Variants in WRN observed in about 807,000 individuals in gnomAD.
WRN encodes bifunctional 3'-5' exonuclease/ATP-dependent helicase WRN.
WRN carries 149 observed loss-of-function variants against 180.7 expected under a neutral mutation model. The ratio of observed to expected loss-of-function variants is 0.82; its 90% confidence interval spans 0.72 to 0.94. The LOEUF (loss-of-function observed/expected upper bound fraction) is 0.94. Among genes scored for constraint, WRN ranks in the 40% least tolerant of loss-of-function variants. The pLI is 0.00. For missense variants in WRN, 1,661 were observed against 1,700.1 expected, an observed-to-expected ratio of 0.98 and a Z score of 0.40; for synonymous variants, 548 against 568.9, an observed-to-expected ratio of 0.96 and a Z score of 0.52.
chr8:31,062,224 G>T (rs1812513930), intron 3 of WRN, among the ~76,000 whole-genome samples: 1 of 152,090 alleles, frequency 6.6e-6, no homozygotes, highest in Admixed American at 6.5e-5. Context: ...TGTTTGTGGT[G>T]GGAGGGTGAG....
At chr8:31,147,985 T>C (rs547607296) in intron 30 of WRN, among the ~76,000 whole-genome samples, 1 of 150,334 alleles carries the variant, frequency 6.7e-6, no homozygotes, top group South Asian at 2.2e-4. Flanking sequence ...CCCCCTGGAC[T>C]CAAGCTATCC....
chr8:31,043,385 A>G (rs1811728872), intron 1 of WRN, among the ~76,000 whole-genome samples: 1 of 152,062 alleles, frequency 6.6e-6, no homozygotes, highest in East Asian at 1.9e-4. Flanking sequence ...GGGGAATTGG[A>G]TTTTCCTTAA....
chr8:31,111,848 T>A (rs563552483), intron 19 of WRN, 49 bp downstream of exon 19: 1 of 1,599,280 alleles, frequency 6.3e-7, no homozygotes, highest in South Asian at 1.1e-5. Context: ...CCTTTTTTTT[T>A]TTTTAACAAC....
At chr8:31,060,033 G>A (rs961997441) in intron 3 of WRN, among the ~76,000 whole-genome samples, 7 of 151,874 alleles carry the variant, frequency 4.6e-5, no homozygotes, top group African/African-American at 1.7e-4. Context: ...TCCAGCCTGG[G>A]CGACAGAGTG....
intron 23 of WRN, among the ~76,000 whole-genome samples, chr8:31,129,059 C>G (rs1417150336): frequency 1.3e-5 from 2 of 152,130 alleles, no homozygotes; most frequent in Non-Finnish European, 2.9e-5. Context: ...CTCACTGTAA[C>G]CTCAAATTCC....
intron 10 of WRN, among the ~76,000 whole-genome samples, chr8:31,084,423 AAG>A (rs1447453618): frequency 1.3e-5 from 2 of 152,174 alleles, no homozygotes; most frequent in Non-Finnish European, 2.9e-5. Flanking sequence ...TTTTTAAAAA[AAG>A]AACTTTTTTC....
rs370071444 is a variant in WRN, at chr8:31,076,192, C to T, written c.744C>T (p.Ser248=). The T allele has an allele frequency of 2.8e-5, 45 of 1,613,448 alleles. No individual in the cohort carries two copies. Among genetic ancestry groups the T allele is most frequent in the Admixed American group, 1.2e-4 (7 of 59,984 alleles). Residue 248 remains serine, a synonymous_variant, in exon 8 of 35, where the codon AGC becomes AGT. Coordinates refer to ENST00000298139, the MANE Select transcript of WRN (RefSeq NM_000553.6). Reference sequence around the variant, plus strand: ...CCCTAGAGGAAGAAATCCTACTTAGCGACATGAACAAACAGTTGACTTCAA... The same window carrying T: ...CCCTAGAGGAAGAAATCCTACTTAGTGACATGAACAAACAGTTGACTTCAA... ...AINKEEEILL[S]DMNKQLTSIS...
chr8:31,056,223 G>T (rs888632124), intron 1 of WRN, among the ~76,000 whole-genome samples: 14 of 152,086 alleles, frequency 9.2e-5, no homozygotes, highest in African/African-American at 3.4e-4. Context: ...GTTATTTGTG[G>T]AAACCTCAGT....
intron 3 of WRN, among the ~76,000 whole-genome samples, chr8:31,060,675 T>G (rs1459238658): frequency 6.6e-6 from 1 of 152,224 alleles, no homozygotes. Flanking sequence ...ACTTTGGGAC[T>G]CATTATACTG....
rs13438803 is a variant in WRN, at chr8:31,090,901, T to C, written c.1788T>C (p.Ser596=). 8.5e-4 allele frequency: 1,371 copies of C among 1,613,032 alleles called. 9 individuals are homozygous for C. The African/African-American group carries it at 0.017, about 20-fold the overall frequency. The change falls in exon 15 of 35, where the codon TCT becomes TCC. Residue 596 remains serine, a synonymous_variant. Coordinates refer to ENST00000298139, the MANE Select transcript of WRN (RefSeq NM_000553.6). ...TAGGCAAGATTGGCCTTGTTATCTC[T>C]CCCCTTATTTCTCTGATGGAAGACC... The part of the protein sequence containing the change: ...VYVGKIGLVI[S]PLISLMEDQV...
At chr8:31,058,349 A>G (rs949896878) in intron 1 of WRN, 23 bp from the exon 2 acceptor site, 12 of 987,388 alleles carry the variant, frequency 1.2e-5, no homozygotes, top group Non-Finnish European at 1.6e-6. Context: ...GTTTTCATTC[A>G]TATTGACAGT....
At chr8:31,053,901 G>A (rs1812169040) in intron 1 of WRN, among the ~76,000 whole-genome samples, 1 of 152,128 alleles carries the variant, frequency 6.6e-6, no homozygotes, top group Non-Finnish European at 1.5e-5. Context: ...TTTACTCAAA[G>A]CTTACTTAAA....
intron 18 of WRN, among the ~76,000 whole-genome samples, chr8:31,106,058 C>G (rs1055169736): frequency 1.3e-5 from 2 of 152,134 alleles, no homozygotes; most frequent in Non-Finnish European, 2.9e-5. Flanking sequence ...GCTCTTTCCT[C>G]ACTCTCCTCC....
At chr8:31,040,390 G>A (rs894722769) in intron 1 of WRN, among the ~76,000 whole-genome samples, 25 of 152,178 alleles carry the variant, frequency 1.6e-4, no homozygotes, top group African/African-American at 6.0e-4. Context: ...GGGAGTGAGT[G>A]TAGAGGGAGA....
At chr8:31,111,091 T>C (rs1439047318) in intron 18 of WRN, among the ~76,000 whole-genome samples, 2 of 152,116 alleles carry the variant, frequency 1.3e-5, no homozygotes, top group Non-Finnish European at 2.9e-5. Flanking sequence ...TGAAGAGAGG[T>C]TATCTGGGTC....
intron 33 of WRN, among the ~76,000 whole-genome samples, chr8:31,158,287 A>C (rs1169679445): frequency 2.0e-5 from 3 of 152,214 alleles, no homozygotes; most frequent in Non-Finnish European, 4.4e-5. Flanking sequence ...TGGAAGGGAC[A>C]GACCAAGTTC....
chr8:31,162,854 G>C (rs1320581397), intron 33 of WRN, among the ~76,000 whole-genome samples: 1 of 152,122 alleles, frequency 6.6e-6, no homozygotes, highest in Non-Finnish European at 1.5e-5. Flanking sequence ...TGGCACACTG[G>C]TAATAGCAAA....
chr8:31,126,659 A>G (rs1037101447), intron 23 of WRN, among the ~76,000 whole-genome samples: 5 of 152,208 alleles, frequency 3.3e-5, no homozygotes, highest in South Asian at 4.1e-4. Context: ...TAGAAAAGCT[A>G]TGGTCATACC....
chr8:31,122,860 G>GATT (rs1801773912), intron 21 of WRN, among the ~76,000 whole-genome samples: 1 of 69,480 alleles, frequency 1.4e-5, no homozygotes, highest in Non-Finnish European at 2.6e-5. Flanking sequence ...TTCTTTTCTT[G>GATT]TTTTTTTTTT....
Sources: allele counts gnomAD v4.1 joint callset (sites outside exome capture counted in the v4.1 genomes callset), GRCh38; gene constraint gnomAD v4.1.1; transcripts MANE v1.5; gene names NCBI Gene and HGNC (gene_info 2026-07-23, HGNC 2026-07-21).